The following ENTREP2 variants were observed in gnomAD, a reference collection of about 807,000 sequenced individuals.
ENTREP2 encodes endosomal transmembrane epsin interactor 2.
At chr15:29,123,589 G>T in the ENTREP2 span, 1 of 1,551,744 alleles carries the variant, frequency 6.4e-7, no homozygotes, top group Non-Finnish European at 8.7e-7. Flanking sequence ...AGTTTTCCAG[G>T]TATCTGGGTC....
At chr15:29,543,891 A>T in the ENTREP2 span, among the ~76,000 whole-genome samples, 1 of 152,024 alleles carries the variant, frequency 6.6e-6, no homozygotes, top group African/African-American at 2.4e-5. Context: ...AAATGATGTC[A>T]AATTTTCCAT....
At chr15:29,601,654 C>A in the ENTREP2 span, among the ~76,000 whole-genome samples, 3 of 152,168 alleles carry the variant, frequency 2.0e-5, no homozygotes, top group African/African-American at 7.2e-5. Flanking sequence ...CCATTTACAT[C>A]CCATTCAAAT....
At chr15:29,189,284 A>C in the ENTREP2 span, among the ~76,000 whole-genome samples, 1 of 152,040 alleles carries the variant, frequency 6.6e-6, no homozygotes, top group Admixed American at 6.5e-5. Flanking sequence ...GTCAGAATTG[A>C]GTTGAACTGA....
At chr15:29,196,686 T>A in the ENTREP2 span, 3 of 1,101,364 alleles carry the variant, frequency 2.7e-6, no homozygotes, top group Non-Finnish European at 3.7e-6. Flanking sequence ...TGTTTCAGTG[T>A]GTTTAAGTAG....
the ENTREP2 span, among the ~76,000 whole-genome samples, chr15:29,561,453 T>C: frequency 1.3e-5 from 2 of 152,080 alleles, no homozygotes; most frequent in African/African-American, 2.4e-5. Flanking sequence ...TTTGGGAGGC[T>C]GAGGCAGGCC....
chr15:29,641,704 C>T, the ENTREP2 span, among the ~76,000 whole-genome samples: 13 of 151,692 alleles, frequency 8.6e-5, no homozygotes, highest in Non-Finnish European at 1.8e-4. Context: ...TGGTGGTGCG[C>T]ACCTGTAGTC....
At chr15:29,613,461 A>G in the ENTREP2 span, 1 of 438,496 alleles carries the variant, frequency 2.3e-6, no homozygotes, top group Non-Finnish European at 4.5e-6. Context: ...AGGCTCTGGA[A>G]TGGGCACCCT....
At chr15:29,570,896 G>A in the ENTREP2 span, among the ~76,000 whole-genome samples, 1 of 144,932 alleles carries the variant, frequency 6.9e-6, no homozygotes. Context: ...GCGGGGAGCC[G>A]GGCGCCCGCA....
the ENTREP2 span, among the ~76,000 whole-genome samples, chr15:29,417,262 T>C: frequency 6.6e-6 from 1 of 152,104 alleles, no homozygotes; most frequent in Non-Finnish European, 1.5e-5. Flanking sequence ...CCAACAATGA[T>C]AGACTGGATT....
the ENTREP2 span, among the ~76,000 whole-genome samples, chr15:29,553,391 T>G: frequency 6.6e-6 from 1 of 152,166 alleles, no homozygotes; most frequent in Non-Finnish European, 1.5e-5. Context: ...CCAGGAGGAT[T>G]TGGGAACTTA....
At chr15:29,196,603 G>A in the ENTREP2 span, 2 of 1,532,066 alleles carry the variant, frequency 1.3e-6, no homozygotes, top group African/African-American at 1.4e-5. Context: ...CCGTTAACAG[G>A]CATTCGACCC....
the ENTREP2 span, among the ~76,000 whole-genome samples, chr15:29,440,267 G>T: frequency 6.6e-6 from 1 of 152,114 alleles, no homozygotes; most frequent in Non-Finnish European, 1.5e-5. Flanking sequence ...GCTGATTTTT[G>T]AGCAACTCCC....
the ENTREP2 span, among the ~76,000 whole-genome samples, chr15:29,221,006 G>C: frequency 6.6e-6 from 1 of 152,116 alleles, no homozygotes; most frequent in Admixed American, 6.5e-5. Flanking sequence ...TGAAGAGGGA[G>C]AGAGAGACAG....
At chr15:29,528,007 C>G in the ENTREP2 span, among the ~76,000 whole-genome samples, 1 of 152,120 alleles carries the variant, frequency 6.6e-6, no homozygotes, top group Non-Finnish European at 1.5e-5. Context: ...CCTGCAGACA[C>G]CGTGCATTCA....
the ENTREP2 span, among the ~76,000 whole-genome samples, chr15:29,482,164 A>ATTTTTTTTTTTTTTTTTTTTTTT: frequency 7.4e-6 from 1 of 135,260 alleles, no homozygotes; most frequent in Non-Finnish European, 1.6e-5. Flanking sequence ...CAGGCAGCTA[A>ATTTTTTTTTTTTTTTTTTTTTTT]TTTTTTTTTT....
chr15:29,342,099 C>G, the ENTREP2 span, among the ~76,000 whole-genome samples: 3 of 152,140 alleles, frequency 2.0e-5, no homozygotes, highest in Admixed American at 2.0e-4. Flanking sequence ...TTGGCCAGGC[C>G]GCCATGCAGG....
At chr15:29,159,679 C>A in the ENTREP2 span, among the ~76,000 whole-genome samples, 1 of 132,684 alleles carries the variant, frequency 7.5e-6, no homozygotes, top group Admixed American at 8.0e-5. Flanking sequence ...CTCTCCAAGT[C>A]CCCACCAGAG....
chr15:29,627,429 G>T, the ENTREP2 span, among the ~76,000 whole-genome samples: 3 of 151,762 alleles, frequency 2.0e-5, no homozygotes, highest in East Asian at 3.9e-4. Context: ...TGTAGTCCCA[G>T]CTACTCGGGA....
At chr15:29,192,512 C>G in the ENTREP2 span, among the ~76,000 whole-genome samples, 57,408 of 151,578 alleles carry the variant, frequency 0.38, 11,003 homozygotes, top group East Asian at 0.54. Flanking sequence ...GCTGAGGTCA[C>G]AGGACAGCAA....
Sources: gnomAD v4.1 joint callset for allele counts (sites outside exome capture counted in the v4.1 genomes callset) on GRCh38, gnomAD v4.1.1 for gene constraint, MANE v1.5 for transcripts, NCBI Gene and HGNC (gene_info 2026-07-23, HGNC 2026-07-21) for gene names.